The following TP63 variants were observed in gnomAD, a reference collection of about 807,000 sequenced individuals.
The protein encoded by TP63 is tumor protein p63.
TP63 carries 17 observed loss-of-function variants against 82.8 expected under a neutral mutation model. That is an observed-to-expected ratio of 0.21 (90% CI 0.14 to 0.31). TP63 has a LOEUF of 0.31. Ranked by LOEUF, TP63 falls within the 10% of genes least tolerant of loss-of-function variation. TP63 has a pLI of 1.00. For synonymous variants in TP63, 330 were observed against 321.7 expected (o/e 1.03, Z -0.28); for missense variants, 648 against 895.3 (o/e 0.72, Z 3.52).
chr3:189,800,179 C>A (rs1206655757), intron 3 of TP63, among the ~76,000 whole-genome samples: 1 of 152,042 alleles, frequency 6.6e-6, no homozygotes, highest in Non-Finnish European at 1.5e-5. Flanking sequence ...AATTGGAAAA[C>A]AGCTGGCATG....
At chr3:189,742,407 C>T (rs551497732) in intron 3 of TP63, among the ~76,000 whole-genome samples, 22 of 143,226 alleles carry the variant, frequency 1.5e-4, no homozygotes, top group African/African-American at 4.7e-4. Flanking sequence ...CTCTTACTTT[C>T]GCAATTTTTT....
At position 189,647,618 on chromosome 3, in the gene TP63, C is replaced by G. The variant is rs1397300645; in HGVS notation, c.62+16041C>G. On this transcript the variant is annotated intron_variant, in intron 1 of 13. Coordinates refer to ENST00000264731, the MANE Select transcript of TP63 (RefSeq NM_003722.5). The stretch of plus-strand genomic sequence containing the variant: ...GATGGGGGGATATCTCTCAGGAAAC[C>G]TGACATCCCTTTTTTCAGTTACGTC... Among the ~76,000 whole-genome samples the G allele has an allele frequency of 7.5e-5, 11 of 146,428 alleles. 1 individual carries two copies.
intron 1 of TP63, among the ~76,000 whole-genome samples, chr3:189,644,111 G>A (rs1423898944): frequency 6.6e-6 from 1 of 151,872 alleles, no homozygotes; most frequent in African/African-American, 2.4e-5. Flanking sequence ...TCCACTTCAG[G>A]TACCAATCCA....
rs1209957723 is a variant in TP63 at position 189,766,416 on chromosome 3, G to GT, written c.324+27642_324+27643insT. Among the ~76,000 whole-genome samples the GT allele has an allele frequency of 5.3e-3, 783 of 147,704 alleles. 10 individuals are homozygous for GT. Among genetic ancestry groups the GT allele is most frequent in the African/African-American group, 0.02 (758 of 38,584 alleles). On this transcript the variant is annotated intron_variant, in intron 3 of 13. Transcript: ENST00000264731. The stretch of plus-strand genomic sequence containing the variant: ...TGAAAAAATAAATACTTCCTAATCA[G>GT]GTTTTTTTTTTCTGTGGAGGTGGGG...
chr3:189,753,610 T>C (rs546858466), intron 3 of TP63, among the ~76,000 whole-genome samples: 2 of 152,046 alleles, frequency 1.3e-5, no homozygotes, highest in Non-Finnish European at 2.9e-5. Context: ...CTCATTCTTA[T>C]GCATTATGAT....
the TP63 span, among the ~76,000 whole-genome samples, chr3:189,625,159 G>A: frequency 4.6e-5 from 7 of 152,086 alleles, no homozygotes; most frequent in Non-Finnish European, 1.0e-4. Context: ...TATTGCTAAG[G>A]TACTTCCCTG....
chr3:189,835,938 A>ATAG (rs1713084761), intron 4 of TP63, among the ~76,000 whole-genome samples: 2 of 143,808 alleles, frequency 1.4e-5, no homozygotes, highest in African/African-American at 5.4e-5. Context: ...AATAATAATA[A>ATAG]TAATAATAAT....
At chr3:189,718,469 C>T (rs1327762475) in intron 1 of TP63, among the ~76,000 whole-genome samples, 2 of 149,104 alleles carry the variant, frequency 1.3e-5, no homozygotes, top group African/African-American at 4.9e-5. Context: ...ACTTTTAAAC[C>T]ATCAGATCTT....
chr3:189,822,466 T>C (rs1728895096), intron 4 of TP63, among the ~76,000 whole-genome samples: 1 of 152,186 alleles, frequency 6.6e-6, no homozygotes, highest in Admixed American at 6.5e-5. Flanking sequence ...GAAAAACTTA[T>C]TTCAACTTTG....
chr3:189,777,721 A>T (rs186553793), intron 3 of TP63, among the ~76,000 whole-genome samples: 52 of 145,398 alleles, frequency 3.6e-4, no homozygotes, highest in African/African-American at 1.3e-3. Flanking sequence ...TTTAGTTACT[A>T]TTTCACATGT....
At chr3:189,738,815 T>C (rs1458978423) in intron 3 of TP63, 41 bp downstream of exon 3, 1 of 1,610,938 alleles carries the variant, frequency 6.2e-7, no homozygotes, top group Non-Finnish European at 8.5e-7. Flanking sequence ...TGGGCCATGC[T>C]ATCTATAGCT....
chr3:189,855,702 G>A (rs1560263618), intron 4 of TP63, among the ~76,000 whole-genome samples: 1 of 150,896 alleles, frequency 6.6e-6, no homozygotes, highest in Non-Finnish European at 1.5e-5. Flanking sequence ...GTGTATATAT[G>A]TGTGTGTGTG....
chr3:189,709,232 G>A (rs1718421498), intron 1 of TP63, among the ~76,000 whole-genome samples: 1 of 151,948 alleles, frequency 6.6e-6, no homozygotes, highest in South Asian at 2.1e-4. Flanking sequence ...TTTCCCTTTT[G>A]GTATGATTTT....
At chr3:189,885,543 C>T (rs953221444) in intron 10 of TP63, among the ~76,000 whole-genome samples, 1 of 152,216 alleles carries the variant, frequency 6.6e-6, no homozygotes, top group Non-Finnish European at 1.5e-5. Flanking sequence ...TTGTGACTCT[C>T]ATTGTAGTAC....
intron 3 of TP63, among the ~76,000 whole-genome samples, chr3:189,745,534 C>G (rs1721301961): frequency 6.6e-6 from 1 of 151,428 alleles, no homozygotes; most frequent in Admixed American, 6.6e-5. Flanking sequence ...TAGTGAAACC[C>G]CATCTCTCCT....
intron 1 of TP63, among the ~76,000 whole-genome samples, chr3:189,662,724 A>C (rs1394691617): frequency 6.6e-6 from 1 of 152,052 alleles, no homozygotes; most frequent in African/African-American, 2.4e-5. Context: ...GAAAGAAAAA[A>C]TATAAATAAA....
intron 3 of TP63, among the ~76,000 whole-genome samples, chr3:189,773,871 C>T (rs1199563939): frequency 6.7e-6 from 1 of 150,300 alleles, no homozygotes; most frequent in African/African-American, 2.5e-5. Flanking sequence ...TTATAGTTCC[C>T]TTAGGAGGTA....
At chr3:189,621,908 A>C in the TP63 span, among the ~76,000 whole-genome samples, 1 of 152,244 alleles carries the variant, frequency 6.6e-6, no homozygotes, top group Non-Finnish European at 1.5e-5. Context: ...AGTGAAGGTT[A>C]GTTGTGTTTT....
In TP63 at chr3:189,838,836, A is replaced by G. The variant is rs149981758; in HGVS notation, c.580-25396A>G. Among the ~76,000 whole-genome samples the G allele has an allele frequency of 3.5e-3, 528 of 152,228 alleles. 2 individuals carry two copies. Among genetic ancestry groups the G allele is most frequent in the Middle Eastern group, 0.017 (5 of 292 alleles). ...CCCTAGGATCTCAGTATTTCAGCAT[A>G]TTGGTTTCCTGTACTTATCTAGAAT... On this transcript the variant is annotated intron_variant, in intron 4 of 13. Coordinates refer to ENST00000264731, the MANE Select transcript of TP63 (RefSeq NM_003722.5).
Sources: allele counts gnomAD v4.1 joint callset (sites outside exome capture counted in the v4.1 genomes callset), GRCh38; gene constraint gnomAD v4.1.1; transcripts MANE v1.5; gene names NCBI Gene and HGNC (gene_info 2026-07-23, HGNC 2026-07-21).